The following NDUFS4 variants were observed in gnomAD, a reference collection of about 807,000 sequenced individuals.
The protein encoded by NDUFS4 is NADH:ubiquinone oxidoreductase subunit S4.
A neutral mutation model predicts 24.3 loss-of-function variants in NDUFS4; 28 were observed. The ratio of observed to expected loss-of-function variants is 1.15; its 90% confidence interval spans 0.85 to 1.58. The LOEUF is 1.58. Ranked by LOEUF, NDUFS4 falls within the 40% of genes most tolerant of loss-of-function variation. NDUFS4 has a pLI of 0.00. For synonymous variants in NDUFS4, 93 were observed against 69.7 expected, an observed-to-expected ratio of 1.34 and a Z score of -1.67; for missense variants, 223 against 207.9, an observed-to-expected ratio of 1.07 and a Z score of -0.45.
At chr5:53,612,249 G>T (rs1323517900) in intron 2 of NDUFS4, among the ~76,000 whole-genome samples, 1 of 151,834 alleles carries the variant, frequency 6.6e-6, no homozygotes, top group East Asian at 1.9e-4. Flanking sequence ...CTTCAGTGTT[G>T]TATTGACACT....
At chr5:53,609,429 A>G (rs554355055) in intron 2 of NDUFS4, among the ~76,000 whole-genome samples, 2 of 152,344 alleles carry the variant, frequency 1.3e-5, no homozygotes, top group Admixed American at 1.3e-4. Flanking sequence ...GACACTGGGC[A>G]TAAAATATTT....
At chr5:53,636,756 C>T (rs1751566158) in intron 2 of NDUFS4, among the ~76,000 whole-genome samples, 1 of 152,122 alleles carries the variant, frequency 6.6e-6, no homozygotes, top group African/African-American at 2.4e-5. Flanking sequence ...AATAGGTTAG[C>T]ACCATCCTGT....
chr5:53,625,436 C>A (rs905799412), intron 2 of NDUFS4, among the ~76,000 whole-genome samples: 2 of 151,892 alleles, frequency 1.3e-5, no homozygotes, highest in Admixed American at 1.3e-4. Flanking sequence ...GGAAATTTTT[C>A]TTCAAAAAAC....
At chr5:53,657,876 G>C (rs1752209047) in intron 3 of NDUFS4, among the ~76,000 whole-genome samples, 2 of 148,506 alleles carry the variant, frequency 1.3e-5, no homozygotes, top group East Asian at 2.0e-4. Flanking sequence ...AGTGAGCCCA[G>C]ATCACGCCAC....
chr5:53,623,145 T>C (rs1751104100), intron 2 of NDUFS4, among the ~76,000 whole-genome samples: 1 of 152,234 alleles, frequency 6.6e-6, no homozygotes, highest in Non-Finnish European at 1.5e-5. Flanking sequence ...CAAAGTAGAA[T>C]TGTTGGATCA....
At chr5:53,612,168 T>G (rs1750716484) in intron 2 of NDUFS4, among the ~76,000 whole-genome samples, 1 of 152,152 alleles carries the variant, frequency 6.6e-6, no homozygotes, top group Non-Finnish European at 1.5e-5. Flanking sequence ...ATATAAATTA[T>G]GTTGGCTGCT....
chr5:53,593,015 G>A (rs1750024163), intron 1 of NDUFS4, among the ~76,000 whole-genome samples: 1 of 152,004 alleles, frequency 6.6e-6, no homozygotes, highest in Non-Finnish European at 1.5e-5. Flanking sequence ...TTCCTTTCCT[G>A]TAATGCCTTT....
chr5:53,569,655 T>G (rs981722583), intron 1 of NDUFS4, among the ~76,000 whole-genome samples: 1 of 152,192 alleles, frequency 6.6e-6, no homozygotes, highest in Admixed American at 6.5e-5. Context: ...TAAGTGATGT[T>G]TTTCTTTGAA....
At chr5:53,603,247 A>G (rs543402380) in intron 1 of NDUFS4, among the ~76,000 whole-genome samples, 1 of 152,068 alleles carries the variant, frequency 6.6e-6, no homozygotes, top group Non-Finnish European at 1.5e-5. Context: ...CCTGTTGTGA[A>G]CTGTCAAGTG....
At chr5:53,573,034 A>G (rs1360242636) in intron 1 of NDUFS4, among the ~76,000 whole-genome samples, 1 of 145,434 alleles carries the variant, frequency 6.9e-6, no homozygotes, top group Non-Finnish European at 1.5e-5. Context: ...TAGTGGTATG[A>G]TAATGGCTTA....
At chr5:53,580,740 T>C (rs1364627227) in intron 1 of NDUFS4, among the ~76,000 whole-genome samples, 1 of 149,952 alleles carries the variant, frequency 6.7e-6, no homozygotes, top group African/African-American at 2.5e-5. Flanking sequence ...CCCTTTCCTT[T>C]CCTTTCCTTC....
At chr5:53,575,079 T>C (rs1375696378) in intron 1 of NDUFS4, among the ~76,000 whole-genome samples, 1 of 152,218 alleles carries the variant, frequency 6.6e-6, no homozygotes, top group East Asian at 1.9e-4. Flanking sequence ...TCATGGTGTA[T>C]GAGAGAAAAG....
intron 2 of NDUFS4, among the ~76,000 whole-genome samples, chr5:53,633,509 C>T (rs948772472): frequency 6.6e-6 from 1 of 152,168 alleles, no homozygotes; most frequent in African/African-American, 2.4e-5. Flanking sequence ...CATTAGATCA[C>T]ACCTCCTTTA....
At chr5:53,578,256 G>A (rs528772202) in intron 1 of NDUFS4, among the ~76,000 whole-genome samples, 37 of 152,294 alleles carry the variant, frequency 2.4e-4, no homozygotes, top group African/African-American at 8.2e-4. Flanking sequence ...GTTACTGCTT[G>A]TAAGTGGCCC....
intron 4 of NDUFS4, among the ~76,000 whole-genome samples, chr5:53,671,887 T>C (rs895621997): frequency 6.6e-6 from 1 of 152,182 alleles, no homozygotes; most frequent in East Asian, 1.9e-4. Flanking sequence ...TTACCCCCTG[T>C]GTTTTTCTCA....
chr5:53,639,332 C>A (rs904172279), intron 2 of NDUFS4, among the ~76,000 whole-genome samples: 4 of 151,746 alleles, frequency 2.6e-5, no homozygotes, highest in African/African-American at 4.8e-5. Flanking sequence ...AGTACAATTT[C>A]TCATTTTTAT....
chr5:53,623,968 C>T (rs1469220728), intron 2 of NDUFS4, among the ~76,000 whole-genome samples: 2 of 152,192 alleles, frequency 1.3e-5, no homozygotes, highest in Non-Finnish European at 2.9e-5. Context: ...CTGCCTGCCT[C>T]AGCCTCCCAA....
intron 1 of NDUFS4, among the ~76,000 whole-genome samples, chr5:53,601,398 T>C (rs909971386): frequency 1.2e-4 from 19 of 152,190 alleles, no homozygotes; most frequent in African/African-American, 4.1e-4. Flanking sequence ...TAAAGTAAAT[T>C]ATATATGGTT....
intron 2 of NDUFS4, among the ~76,000 whole-genome samples, chr5:53,639,948 A>G (rs1214231250): frequency 2.0e-5 from 3 of 152,112 alleles, no homozygotes; most frequent in Non-Finnish European, 4.4e-5. Flanking sequence ...ATATTTGCCT[A>G]TTATCAAATA....
Sources: allele counts gnomAD v4.1 joint callset (sites outside exome capture counted in the v4.1 genomes callset), GRCh38; gene constraint gnomAD v4.1.1; transcripts MANE v1.5; gene names NCBI Gene and HGNC (gene_info 2026-07-23, HGNC 2026-07-21).